Variants in SNX30 observed in about 807,000 individuals in gnomAD.
The protein encoded by SNX30 is sorting nexin-30.
SNX30 carries 24 observed loss-of-function variants against 46.4 expected under a neutral mutation model. The observed-to-expected ratio is 0.52, with a 90% CI of 0.37 to 0.73. SNX30 has a LOEUF of 0.73. Among genes scored for constraint, SNX30 ranks in the 30% least tolerant of loss-of-function variants. The pLI, the probability that SNX30 is intolerant of heterozygous loss-of-function variation, is 0.00. For synonymous variants in SNX30, 189 were observed against 211.5 expected, an observed-to-expected ratio of 0.89 and a Z score of 0.92; for missense variants, 533 against 555.7, an observed-to-expected ratio of 0.96 and a Z score of 0.41.
At position 112,865,647 on chromosome 9, in the gene SNX30, ATATATATATATATATGTATG is replaced by A. The variant is rs1479092671; in HGVS notation, c.1254+1252_1254+1271del. On this transcript the variant is annotated intron_variant, in intron 8 of 8. Transcript: ENST00000374232. ...GCCATATATATATATATATATATATATATATATATATATATGTATGTATGTATGCACACACACACACACGT... is the reference window on the plus strand; with the variant it reads ...GCCATATATATATATATATATATATATATGTATGCACACACACACACACGT... 4.6e-4 allele frequency among the ~76,000 whole-genome samples: 39 copies of A among 85,190 alleles called. 1 individual carries two copies. Among genetic ancestry groups the A allele is most frequent in the African/African-American group, 1.3e-3 (34 of 27,106 alleles). The allele number at this position is 85,190 out of a possible 152,430, so 55.9% of individuals were successfully genotyped here.
chr9:112,755,781 C>T (rs1839339113), intron 1 of SNX30, among the ~76,000 whole-genome samples: 1 of 151,972 alleles, frequency 6.6e-6, no homozygotes, highest in Non-Finnish European at 1.5e-5. Flanking sequence ...CACTTTCCAT[C>T]TCTTGGCTCT....
chr9:112,845,744 C>T (rs1022255268), intron 6 of SNX30, among the ~76,000 whole-genome samples: 2 of 152,142 alleles, frequency 1.3e-5, no homozygotes, highest in African/African-American at 2.4e-5. Flanking sequence ...GGTGGTCCCT[C>T]AATGAAAGGA....
rs182587968 is a variant in SNX30 at position 112,856,997 on chromosome 9, C to T, written c.1101+6052C>T. ...TGCCAAAGTCAACAAATGGTGGAGC[C>T]GGTATGGAGTCCAAGTGCATCTGGC... is the stretch of plus-strand genomic sequence containing the variant. On this transcript the variant is annotated intron_variant, in intron 7 of 8. Coordinates refer to ENST00000374232, the MANE Select transcript of SNX30 (RefSeq NM_001012994.2). 1.2e-4 allele frequency among the ~76,000 whole-genome samples: 19 copies of T among 152,282 alleles called. No individual in the cohort carries two copies. In the East Asian group the frequency reaches 3.1e-3, roughly 25 times the overall value.
chr9:112,778,156 G>T (rs1839779469), intron 1 of SNX30, among the ~76,000 whole-genome samples: 1 of 152,060 alleles, frequency 6.6e-6, no homozygotes, highest in Admixed American at 6.6e-5. Flanking sequence ...TTGTGGATGG[G>T]TACCTGGAGG....
intron 8 of SNX30, among the ~76,000 whole-genome samples, chr9:112,865,661 A>ATATATATGTGTGTGTG: frequency 3.7e-4 from 39 of 105,682 alleles, no homozygotes; most frequent in African/African-American, 1.3e-3. Context: ...ATATATATAT[A>ATATATATGTGTGTGTG]TGTATGTATG....
intron 1 of SNX30, among the ~76,000 whole-genome samples, chr9:112,793,797 G>GTTTTTTTTTTTTTTTTTTTTT (rs200559435): frequency 1.5e-5 from 2 of 137,112 alleles, no homozygotes; most frequent in Non-Finnish European, 3.1e-5. Flanking sequence ...TACCTCCACT[G>GTTTTTTTTTTTTTTTTTTTTT]TTTTTTGTTT....
intron 1 of SNX30, among the ~76,000 whole-genome samples, chr9:112,787,932 G>A (rs1418947770): frequency 6.6e-6 from 1 of 151,966 alleles, no homozygotes; most frequent in Non-Finnish European, 1.5e-5. Flanking sequence ...GAGTAGCTGG[G>A]ACTACAGACG....
intron 1 of SNX30, among the ~76,000 whole-genome samples, chr9:112,776,499 C>A (rs2131370686): frequency 6.6e-6 from 1 of 152,336 alleles, no homozygotes. Flanking sequence ...TGCCGAGTTT[C>A]CAGTCTGCAG....
At chr9:112,776,322 T>C (rs1036269091) in intron 1 of SNX30, among the ~76,000 whole-genome samples, 5 of 152,232 alleles carry the variant, frequency 3.3e-5, no homozygotes, top group Non-Finnish European at 5.9e-5. Flanking sequence ...TTCTATATGA[T>C]GCATTTATTT....
chr9:112,861,739 G>T (rs1300855867), intron 7 of SNX30, among the ~76,000 whole-genome samples: 1 of 152,114 alleles, frequency 6.6e-6, no homozygotes, highest in Non-Finnish European at 1.5e-5. Context: ...GTGGGTCCTG[G>T]TGTCTTCTCT....
chr9:112,814,431 G>A (rs1215286595), intron 2 of SNX30, among the ~76,000 whole-genome samples: 1 of 152,036 alleles, frequency 6.6e-6, no homozygotes, highest in East Asian at 1.9e-4. Context: ...TGTAGAGACA[G>A]GGTTTTGCCA....
intron 1 of SNX30, among the ~76,000 whole-genome samples, chr9:112,772,780 G>T (rs149669312): frequency 6.6e-6 from 1 of 152,204 alleles, no homozygotes; most frequent in African/African-American, 2.4e-5. Context: ...CTACATAAAC[G>T]AATATGTCTT....
intron 2 of SNX30, among the ~76,000 whole-genome samples, chr9:112,816,841 T>C (rs2131420090): frequency 6.6e-6 from 1 of 152,298 alleles, no homozygotes; most frequent in East Asian, 1.9e-4. Flanking sequence ...TAGGGAAAAA[T>C]GGCTTATGTG....
rs920939687 is a variant in SNX30 at position 112,806,809 on chromosome 9, G to A, written c.348+1842G>A. 1.8e-4 allele frequency among the ~76,000 whole-genome samples: 28 copies of A among 152,078 alleles called. 1 individual carries two copies. The highest frequency in any genetic ancestry group is 6.8e-3 in the Middle Eastern group (2 of 294). Reference sequence around the variant, plus strand: ...TGTCCTTCTAGTTGTTTTTCTTTGCGTTTACATTCACACACATGTATAGTT... The same window carrying A: ...TGTCCTTCTAGTTGTTTTTCTTTGCATTTACATTCACACACATGTATAGTT... On this transcript the variant is annotated intron_variant, in intron 2 of 8. Coordinates refer to ENST00000374232, the MANE Select transcript of SNX30 (RefSeq NM_001012994.2).
Position 112,780,849 on chromosome 9 carries a change from C to T in SNX30, c.157-23927C>T, listed in dbSNP as rs147027308. 1.9e-3 allele frequency among the ~76,000 whole-genome samples: 282 copies of T among 152,286 alleles called. 1 individual carries two copies. Among genetic ancestry groups the T allele is most frequent in the African/African-American group, 5.9e-3 (247 of 41,560 alleles). On this transcript the variant is annotated intron_variant, in intron 1 of 8. Transcript: ENST00000374232. Reference sequence around the variant, plus strand: ...TTGGGTCATTGAAAACAAATGGATACGGTAATGTGCTCTGAATCTTTGTCC... The same window carrying T: ...TTGGGTCATTGAAAACAAATGGATATGGTAATGTGCTCTGAATCTTTGTCC...
chr9:112,844,934 T>C (rs1048274402), intron 6 of SNX30, among the ~76,000 whole-genome samples: 1 of 152,164 alleles, frequency 6.6e-6, no homozygotes, highest in African/African-American at 2.4e-5. Flanking sequence ...CCGGTGCCTT[T>C]CCAAAACTGA....
intron 6 of SNX30, among the ~76,000 whole-genome samples, chr9:112,850,095 A>T (rs756320160): frequency 2.6e-5 from 4 of 152,220 alleles, no homozygotes; most frequent in Non-Finnish European, 4.4e-5. Flanking sequence ...TTGTACTCAC[A>T]TGGGCCAAAG....
intron 8 of SNX30, among the ~76,000 whole-genome samples, chr9:112,866,047 A>G (rs908036930): frequency 1.3e-5 from 2 of 152,140 alleles, no homozygotes; most frequent in African/African-American, 4.8e-5. Flanking sequence ...ACTATATCAC[A>G]GGCAGGGCCA....
At chr9:112,851,306 G>A (rs1841022163) in intron 7 of SNX30, among the ~76,000 whole-genome samples, 1 of 152,230 alleles carries the variant, frequency 6.6e-6, no homozygotes, top group African/African-American at 2.4e-5. Context: ...AATCCATGAT[G>A]AGGAAAGTAT....
Sources: gnomAD v4.1 joint callset for allele counts (sites outside exome capture counted in the v4.1 genomes callset) on GRCh38, gnomAD v4.1.1 for gene constraint, MANE v1.5 for transcripts, NCBI Gene and HGNC (gene_info 2026-07-23, HGNC 2026-07-21) for gene names.